Variants in RAD18 observed in about 807,000 individuals in gnomAD.
The protein encoded by RAD18 is E3 ubiquitin-protein ligase RAD18.
Under a neutral mutation model 60.4 loss-of-function variants are expected in RAD18, and 47 were observed. The observed-to-expected ratio is 0.78, with a 90% CI of 0.62 to 0.99. The LOEUF (loss-of-function observed/expected upper bound fraction) is 0.99. Among genes scored for constraint, RAD18 ranks in the 50% least tolerant of loss-of-function variants. RAD18 has a pLI of 0.00. For synonymous variants in RAD18, 225 were observed against 195.5 expected (o/e 1.15, Z -1.26); for missense variants, 640 against 593.3 (o/e 1.08, Z -0.82).
intron 7 of RAD18, among the ~76,000 whole-genome samples, chr3:8,914,717 G>T (rs571042521): frequency 2.1e-4 from 32 of 152,226 alleles, no homozygotes; most frequent in South Asian, 4.1e-4. Flanking sequence ...CCAGCTAGTG[G>T]TTCTCTCCTT....
intron 7 of RAD18, among the ~76,000 whole-genome samples, chr3:8,926,572 T>C (rs1940440719): frequency 1.3e-5 from 2 of 152,182 alleles, no homozygotes; most frequent in Admixed American, 1.3e-4. Context: ...AAAGTTCATA[T>C]GGAATCAAAA....
intron 7 of RAD18, among the ~76,000 whole-genome samples, chr3:8,927,098 A>G (rs892217129): frequency 6.6e-6 from 1 of 152,228 alleles, no homozygotes; most frequent in Non-Finnish European, 1.5e-5. Flanking sequence ...ACAGCAAAAG[A>G]AACTACCATC....
At chr3:8,945,015 T>C (rs533064201) in intron 4 of RAD18, among the ~76,000 whole-genome samples, 121 of 152,238 alleles carry the variant, frequency 7.9e-4, no homozygotes, top group South Asian at 1.9e-3. Context: ...AAAAATAATA[T>C]AAATTTTAAA....
chr3:8,930,482 T>G (rs1440318579), intron 7 of RAD18, among the ~76,000 whole-genome samples: 1 of 152,132 alleles, frequency 6.6e-6, no homozygotes, highest in Admixed American at 6.5e-5. Context: ...AATATGATAG[T>G]TGTACAACTC....
At chr3:8,911,061 C>T (rs2125054398) in intron 9 of RAD18, among the ~76,000 whole-genome samples, 1 of 152,206 alleles carries the variant, frequency 6.6e-6, no homozygotes, top group Middle Eastern at 3.4e-3. Context: ...GAAGATATAT[C>T]AATAGTATAG....
chr3:8,921,030 G>C (rs1339107084), intron 7 of RAD18, among the ~76,000 whole-genome samples: 1 of 152,090 alleles, frequency 6.6e-6, no homozygotes, highest in African/African-American at 2.4e-5. Context: ...AATAATACAA[G>C]GACATATTTA....
At position 8,879,228 on chromosome 3, in the gene RAD18, T is replaced by C. The variant is rs45583142; in HGVS notation, c.*2129A>G. 2.2e-4 allele frequency: 33 copies of C among 152,216 alleles called. No individual in the cohort carries two copies. Among genetic ancestry groups the C allele is most frequent in the African/African-American group, 7.7e-4 (32 of 41,536 alleles). 9.4% of individuals were successfully genotyped at this position (152,216 alleles called of 1,614,324 possible). A position where few individuals can be genotyped will look rare whatever the true frequency, so the allele number is the denominator to read the frequency against. ...GCCCCTTAACCCCTACCACTAAATA[T>C]GTTGGAAGTCTTAACTGCCGGTATC... On this transcript the variant is annotated 3_prime_UTR_variant, in exon 13 of 13. Coordinates refer to ENST00000264926, the MANE Select transcript of RAD18 (RefSeq NM_020165.4).
rs1940353468 is a variant in RAD18 at position 8,922,935 on chromosome 3, C to A, written c.890-9215G>T. 2.0e-5 allele frequency among the ~76,000 whole-genome samples: 3 copies of A among 152,102 alleles called. No homozygotes were observed. In the South Asian group the frequency reaches 6.2e-4, roughly 31 times the overall value. ...ATCTGTACGTCACCATCATCAAAGA[C>A]AAAAGGTAGATAAAACCACAAAGAT... On this transcript the variant is annotated intron_variant, in intron 7 of 12. Transcript: ENST00000264926.
chr3:8,887,190 T>C (rs1260303879), intron 12 of RAD18, among the ~76,000 whole-genome samples: 2 of 152,178 alleles, frequency 1.3e-5, no homozygotes, highest in Non-Finnish European at 2.9e-5. Flanking sequence ...TCAGAATCTC[T>C]AGGGGTGGAG....
At chr3:8,895,643 TTTTTG>T (rs1004231312) in intron 11 of RAD18, among the ~76,000 whole-genome samples, 4 of 152,220 alleles carry the variant, frequency 2.6e-5, no homozygotes, top group African/African-American at 7.2e-5. Flanking sequence ...CTCTCTTTTT[TTTTTG>T]TTTGTTTGTT....
chr3:8,951,549 G>C (rs939677564), intron 2 of RAD18, among the ~76,000 whole-genome samples: 2 of 152,180 alleles, frequency 1.3e-5, no homozygotes, highest in Non-Finnish European at 2.9e-5. Flanking sequence ...CGTAAAGAAA[G>C]GAAGAGTACT....
chr3:8,932,901 G>C (rs1325849961), intron 7 of RAD18, among the ~76,000 whole-genome samples: 1 of 152,058 alleles, frequency 6.6e-6, no homozygotes, highest in African/African-American at 2.4e-5. Context: ...TTCAAGACTA[G>C]CCTGGCCAAT....
intron 4 of RAD18, among the ~76,000 whole-genome samples, chr3:8,945,225 T>C (rs1468299460): frequency 6.6e-6 from 1 of 152,206 alleles, no homozygotes; most frequent in Non-Finnish European, 1.5e-5. Context: ...CTAAATTTGA[T>C]CGTTTTTAGA....
chr3:8,941,095 T>C (rs889900956), intron 5 of RAD18, among the ~76,000 whole-genome samples: 2 of 152,144 alleles, frequency 1.3e-5, no homozygotes, highest in African/African-American at 4.8e-5. Context: ...ACAGGCTTTA[T>C]ATGGCAGGCA....
chr3:8,922,247 C>T (rs556769740), intron 7 of RAD18, among the ~76,000 whole-genome samples: 2 of 152,356 alleles, frequency 1.3e-5, no homozygotes, highest in South Asian at 2.1e-4. Flanking sequence ...CCTACTACTG[C>T]ACTTCTCCAA....
rs778838351 is a variant in RAD18, at chr3:8,898,894, C to T, written c.1322G>A (p.Ser441Asn). Residue 441 changes from serine to asparagine, a missense_variant and splice_region_variant, in exon 11 of 13, where the codon AGT becomes AAT. Physicochemically the swap from Ser to Asn is conservative, Grantham distance 46 (BLOSUM62 1). Transcript: ENST00000264926. Reference protein sequence around the residue: ...LSSSESDSCNSSSSDIIRDLL... With the variant: ...LSSSESDSCNNSSSDIIRDLL... Reference sequence around the variant, plus strand: ...TAATCAACTACTGCATGTTTCTTACCTATTGCATGAATCTGATTCTGATGA... The same window carrying T: ...TAATCAACTACTGCATGTTTCTTACTTATTGCATGAATCTGATTCTGATGA... 3 of 1,574,584 alleles carry T rather than the reference C, an allele frequency of 1.9e-6. No individual in the cohort carries two copies. Among genetic ancestry groups the T allele is most frequent in the Non-Finnish European group, 2.6e-6 (3 of 1,157,804 alleles).
intron 7 of RAD18, among the ~76,000 whole-genome samples, chr3:8,930,392 T>C (rs924751310): frequency 1.3e-5 from 2 of 152,154 alleles, no homozygotes; most frequent in African/African-American, 4.8e-5. Context: ...TTAGTGGCTA[T>C]CTAGGGCTGG....
chr3:8,883,175 G>T (rs948928395), intron 12 of RAD18, among the ~76,000 whole-genome samples: 10 of 152,158 alleles, frequency 6.6e-5, no homozygotes, highest in Non-Finnish European at 1.5e-5. Context: ...GTGTATAACT[G>T]TAATACCTGG....
chr3:8,958,930 A>G lies in RAD18; in HGVS notation c.123T>C (p.Cys41=), dbSNP rs368372003. The G allele has an allele frequency of 1.2e-6, 2 of 1,612,586 alleles. No individual in the cohort carries two copies. The highest frequency in any genetic ancestry group is 1.7e-6 in the Non-Finnish European group (2 of 1,178,702). ...ACAAAACATACTTACAGTTATGTGAACACTGAGGTATTATCATTGCAATGT... is the reference window on the plus strand; with the variant it reads ...ACAAAACATACTTACAGTTATGTGAGCACTGAGGTATTATCATTGCAATGT... ...YFNIAMIIPQ[C]SHNYCSLCIR... The change falls in exon 2 of 13, where the codon TGT becomes TGC. Residue 41 remains cysteine (C), a synonymous_variant. Coordinates refer to ENST00000264926, the MANE Select transcript of RAD18 (RefSeq NM_020165.4).
Sources: allele counts gnomAD v4.1 joint callset (sites outside exome capture counted in the v4.1 genomes callset), GRCh38; gene constraint gnomAD v4.1.1; transcripts MANE v1.5; gene names NCBI Gene and HGNC (gene_info 2026-07-23, HGNC 2026-07-21).